LRRC4C: variants seen among roughly 807,000 people sequenced by gnomAD.
LRRC4C encodes the protein leucine rich repeat containing 4C, also known as leucine-rich repeat-containing protein 4C.
Under a neutral mutation model 33.6 loss-of-function variants are expected in LRRC4C, and 5 were observed. The observed-to-expected ratio is 0.15, with a 90% CI of 0.08 to 0.31. The LOEUF is 0.31. LRRC4C is among the 10% of genes least tolerant of loss of function. The pLI, the probability that LRRC4C is intolerant of heterozygous loss-of-function variation, is 1.00. For missense variants in LRRC4C, 560 were observed against 796.7 expected (o/e 0.70, Z 3.58); for synonymous variants, 329 against 302.0 (o/e 1.09, Z -0.93).
At chr11:40,779,241 C>A (rs916602446) in intron 2 of LRRC4C, among the ~76,000 whole-genome samples, 3 of 152,056 alleles carry the variant, frequency 2.0e-5, no homozygotes, top group African/African-American at 7.2e-5. Context: ...TTTTTGGCTT[C>A]ATCTACTGAG....
intron 2 of LRRC4C, among the ~76,000 whole-genome samples, chr11:40,802,052 A>C (rs561181792): frequency 6.2e-4 from 95 of 152,286 alleles, no homozygotes; most frequent in African/African-American, 2.2e-3. Context: ...GTGCTCACTG[A>C]AATAAAAAAT....
At chr11:40,593,293 C>A (rs557356034) in intron 3 of LRRC4C, among the ~76,000 whole-genome samples, 4 of 152,264 alleles carry the variant, frequency 2.6e-5, no homozygotes, top group South Asian at 2.1e-4. Flanking sequence ...TCTATTAAAC[C>A]TTATGCTTTA....
At chr11:40,705,316 C>T (rs1311231044) in intron 2 of LRRC4C, among the ~76,000 whole-genome samples, 1 of 152,008 alleles carries the variant, frequency 6.6e-6, no homozygotes, top group Non-Finnish European at 1.5e-5. Context: ...ATTAACTCGT[C>T]ATTCACATTA....
chr11:40,557,884 A>G (rs1272375080), intron 3 of LRRC4C, among the ~76,000 whole-genome samples: 2 of 152,148 alleles, frequency 1.3e-5, no homozygotes, highest in Non-Finnish European at 2.9e-5. Context: ...ATTTTATCCT[A>G]AGTGGCATTA....
intron 4 of LRRC4C, among the ~76,000 whole-genome samples, chr11:40,286,020 A>G (rs1943813114): frequency 6.6e-6 from 1 of 152,226 alleles, no homozygotes; most frequent in Non-Finnish European, 1.5e-5. Flanking sequence ...TGCATATCAA[A>G]TGCTCAAGAA....
intron 2 of LRRC4C, among the ~76,000 whole-genome samples, chr11:40,775,024 A>AAAAT (rs994975321): frequency 2.6e-5 from 4 of 152,024 alleles, no homozygotes; most frequent in South Asian, 2.1e-4. Flanking sequence ...ACATATAATA[A>AAAAT]AAATAAATAA....
chr11:41,115,605 T>TA (rs1942076454), intron 1 of LRRC4C, among the ~76,000 whole-genome samples: 1 of 152,106 alleles, frequency 6.6e-6, no homozygotes, highest in South Asian at 2.1e-4. Flanking sequence ...GTACCCAGTT[T>TA]AAACACTTGT....
At chr11:41,014,483 T>C (rs950264891) in intron 1 of LRRC4C, among the ~76,000 whole-genome samples, 1 of 116,184 alleles carries the variant, frequency 8.6e-6, no homozygotes, top group Non-Finnish European at 1.9e-5. Flanking sequence ...TTTTTTTCTA[T>C]TGCAGTTTTT....
chr11:40,401,324 T>C (rs919189774), intron 3 of LRRC4C, among the ~76,000 whole-genome samples: 3 of 151,988 alleles, frequency 2.0e-5, no homozygotes, highest in Non-Finnish European at 4.4e-5. Context: ...GAGAACACAG[T>C]ACGGACAGGG....
intron 3 of LRRC4C, among the ~76,000 whole-genome samples, chr11:40,320,055 A>G (rs1330692783): frequency 3.9e-5 from 6 of 152,102 alleles, no homozygotes; most frequent in Non-Finnish European, 7.4e-5. Flanking sequence ...AATGTGTCAT[A>G]TGAATTTCAC....
chr11:41,143,294 A>T (rs1943591723), intron 1 of LRRC4C, among the ~76,000 whole-genome samples: 1 of 143,320 alleles, frequency 7.0e-6, no homozygotes, highest in Non-Finnish European at 1.5e-5. Context: ...TAAAAAATAA[A>T]TTTTCCAGAA....
intron 2 of LRRC4C, among the ~76,000 whole-genome samples, chr11:40,853,743 G>T (rs1158281149): frequency 2.6e-5 from 4 of 152,086 alleles, no homozygotes; most frequent in African/African-American, 4.8e-5. Context: ...GACTGAACAG[G>T]GTGAACTGTG....
intron 3 of LRRC4C, among the ~76,000 whole-genome samples, chr11:40,506,509 G>T (rs1188913790): frequency 6.6e-6 from 1 of 152,000 alleles, no homozygotes; most frequent in African/African-American, 2.4e-5. Flanking sequence ...AAAGTAAGTT[G>T]CTGAAAATCT....
At chr11:40,698,977 G>C (rs1945722431) in intron 2 of LRRC4C, among the ~76,000 whole-genome samples, 1 of 152,090 alleles carries the variant, frequency 6.6e-6, no homozygotes, top group African/African-American at 2.4e-5. Flanking sequence ...GATGAGACTT[G>C]GGTGGGAACA....
intron 1 of LRRC4C, among the ~76,000 whole-genome samples, chr11:41,453,217 CA>C (rs1355368417): frequency 6.6e-6 from 1 of 152,098 alleles, no homozygotes; most frequent in African/African-American, 2.4e-5. Context: ...CCTGTAACTG[CA>C]GTACAATCAT....
chr11:41,142,895 A>G (rs1049188352), intron 1 of LRRC4C, among the ~76,000 whole-genome samples: 1 of 152,206 alleles, frequency 6.6e-6, no homozygotes, highest in Non-Finnish European at 1.5e-5. Flanking sequence ...TTTATAGTGC[A>G]GAAAAACAGT....
At chr11:40,180,386 A>T (rs1430527871) in intron 5 of LRRC4C, among the ~76,000 whole-genome samples, 1 of 152,234 alleles carries the variant, frequency 6.6e-6, no homozygotes, top group African/African-American at 2.4e-5. Context: ...AGAAGCAGAC[A>T]TGCATATTTT....
chr11:40,541,374 T>G (rs1956701187), intron 3 of LRRC4C, among the ~76,000 whole-genome samples: 1 of 152,114 alleles, frequency 6.6e-6, no homozygotes, highest in Non-Finnish European at 1.5e-5. Flanking sequence ...CCCAAAATGC[T>G]GGGATTACAG....
intron 3 of LRRC4C, among the ~76,000 whole-genome samples, chr11:40,632,718 A>G (rs922297580): frequency 2.0e-5 from 3 of 151,792 alleles, no homozygotes; most frequent in Non-Finnish European, 4.4e-5. Context: ...AAAGTCAGGT[A>G]TTTCATCTTA....
Sources: allele counts gnomAD v4.1 joint callset (sites outside exome capture counted in the v4.1 genomes callset), GRCh38; gene constraint gnomAD v4.1.1; transcripts MANE v1.5; gene names NCBI Gene and HGNC (gene_info 2026-07-23, HGNC 2026-07-21).